Variants in GPI observed in about 807,000 individuals in gnomAD.
GPI encodes the protein glucose-6-phosphate isomerase.
A neutral mutation model predicts 75.8 loss-of-function variants in GPI; 56 were observed. The ratio of observed to expected loss-of-function variants is 0.74; its 90% CI spans 0.60 to 0.92. The LOEUF is 0.92. Among genes scored for constraint, GPI ranks in the 40% least tolerant of loss-of-function variants. GPI has a pLI of 0.00. For synonymous variants in GPI, 288 were observed against 285.4 expected, an observed-to-expected ratio of 1.01 and a Z score of -0.09; for missense variants, 638 against 741.0, an observed-to-expected ratio of 0.86 and a Z score of 1.61.
chr19:34,361,076 C>A (rs113304464), upstream of GPI, among the ~76,000 whole-genome samples: 832 of 151,822 alleles, frequency 5.5e-3, 8 homozygotes, highest in Middle Eastern at 0.01. Flanking sequence ...CTGCACCCGG[C>A]CTTGTTTCAC....
rs2075009228 is a variant in GPI at position 34,400,668 on chromosome 19, G to T, written c.*632G>T. On this transcript the variant is annotated 3_prime_UTR_variant, in exon 18 of 18. Coordinates refer to ENST00000356487, the MANE Select transcript of GPI (RefSeq NM_000175.5). ...TGAATTCCTGGACAAGACCGAGGAT[G>T]ACTGCCATCTCCTGGCAAGACGCTC... The T allele has an allele frequency of 2.5e-6, 1 of 404,338 alleles. No individual in the cohort carries two copies. The highest frequency in any genetic ancestry group is 2.1e-5 in the African/African-American group (1 of 48,628). The allele number at this position is 404,338 out of a possible 1,614,324, so 25.0% of individuals were successfully genotyped here. A position where few individuals can be genotyped will look rare whatever the true frequency, so the allele number is the denominator to read the frequency against.
At chr19:34,366,719 T>C (rs2074370935) in intron 2 of GPI, 64 bp from the exon 3 acceptor site, 2 of 1,122,370 alleles carry the variant, frequency 1.8e-6, no homozygotes, top group Non-Finnish European at 2.7e-6. Flanking sequence ...GCCTTGTGTT[T>C]GGGGGCTGAC....
Position 34,377,825 on chromosome 19 carries a change from G to A in GPI, c.577G>A (p.Ala193Thr). The A allele has an allele frequency of 1.2e-6, 2 of 1,614,124 alleles. No individual in the cohort carries two copies. Among genetic ancestry groups the A allele is most frequent in the Non-Finnish European group, 1.7e-6 (2 of 1,180,016 alleles). The change falls in exon 6 of 18, where the codon GCC (alanine) becomes ACC (threonine). Residue 193 changes from alanine to threonine, a missense_variant. Transcript: ENST00000356487. ...CTCCAACATTGATGGAACTCACATT[G>A]CCAAAACCCTGGCCCAGCTGAACCC... ...YVSNIDGTHI[A>T]KTLAQLNPES...
At chr19:34,365,472 C>T (rs563993743) in intron 1 of GPI, 84 bp downstream of exon 1, 3 of 1,503,726 alleles carry the variant, frequency 2.0e-6, no homozygotes, top group African/African-American at 1.4e-5. Flanking sequence ...GCGGGGGCAG[C>T]GGTGCCCGGG....
intron 9 of GPI, among the ~76,000 whole-genome samples, chr19:34,389,361 C>G (rs2074787875): frequency 6.6e-6 from 1 of 152,180 alleles, no homozygotes; most frequent in Non-Finnish European, 1.5e-5. Context: ...CTTGTCTTAG[C>G]CGCAGACTGT....
chr19:34,385,994 G>T (rs1414028497), intron 9 of GPI, among the ~76,000 whole-genome samples: 1 of 151,664 alleles, frequency 6.6e-6, no homozygotes, highest in Non-Finnish European at 1.5e-5. Flanking sequence ...GGCCCACTGG[G>T]TGTGGTTTGA....
intron 4 of GPI, among the ~76,000 whole-genome samples, chr19:34,376,962 A>G (rs2074546932): frequency 6.6e-6 from 1 of 151,868 alleles, no homozygotes; most frequent in African/African-American, 2.4e-5. Flanking sequence ...CTGAGGCATG[A>G]GAATTGTTAG....
At chr19:34,372,116 A>G (rs1044487073) in intron 4 of GPI, among the ~76,000 whole-genome samples, 3 of 151,704 alleles carry the variant, frequency 2.0e-5, no homozygotes, top group Admixed American at 2.0e-4. Context: ...TTTTTAGTAG[A>G]GATGAGGTTT....
chr19:34,400,273 G>T lies in GPI; in HGVS notation c.*237G>T. On this transcript the variant is annotated 3_prime_UTR_variant, in exon 18 of 18. Transcript: ENST00000356487. ...GTGTTTTTGTGCAGCTGACTTTTCT[G>T]ACCCATGTTCACGTTGTTCACATCC... 1.6e-6 allele frequency: 1 copy of T among 610,886 alleles called. No individual in the cohort carries two copies. 37.8% of individuals were successfully genotyped at this position (610,886 alleles called of 1,614,324 possible).
intron 15 of GPI, 100 bp from the exon 16 acceptor site, chr19:34,399,446 GCCTGTCCTCA>G: frequency 6.4e-7 from 1 of 1,565,618 alleles, no homozygotes; most frequent in Admixed American, 1.7e-5. Context: ...GAATGGGAGG[GCCTGTCCTCA>G]CAGACCTGCA....
chr19:34,394,174 T>C (rs2145423047), intron 12 of GPI, 108 bp downstream of exon 12: 1 of 800,980 alleles, frequency 1.2e-6, no homozygotes, highest in East Asian at 2.6e-5. Context: ...CCCATTGCCC[T>C]TGGGCCTGGC....
At chr19:34,385,360 CAAAAAAAA>C (rs58133757) in intron 9 of GPI, among the ~76,000 whole-genome samples, 2 of 95,118 alleles carry the variant, frequency 2.1e-5, no homozygotes, top group East Asian at 2.8e-4. Flanking sequence ...AAACAAAAAA[CAAAAAAAA>C]AAAAAAAAGA....
At chr19:34,388,127 G>A (rs1303877234) in intron 9 of GPI, among the ~76,000 whole-genome samples, 1 of 152,206 alleles carries the variant, frequency 6.6e-6, no homozygotes, top group East Asian at 1.9e-4. Context: ...AGTCCATGGT[G>A]TTGGTCTGCA....
Position 34,378,921 on chromosome 19 carries a change from T to A in GPI, c.634-13T>A, listed in dbSNP as rs754998805. The A allele has an allele frequency of 5.0e-6, 8 of 1,613,138 alleles. No homozygotes were observed. Among genetic ancestry groups the A allele is most frequent in the Middle Eastern group, 1.6e-4 (1 of 6,062 alleles). Reference sequence around the variant, plus strand: ...TAAGCTCGGGCGCCCACTGCTGTTCTCTTTGGTTGCAGACCTTTACTACCC... The same window carrying A: ...TAAGCTCGGGCGCCCACTGCTGTTCACTTTGGTTGCAGACCTTTACTACCC... On this transcript the variant is annotated splice_polypyrimidine_tract_variant and intron_variant, in intron 6 of 17. Transcript: ENST00000356487.
rs1045092093 is a variant in GPI, at chr19:34,376,940, C to T, written c.403-563C>T. On this transcript the variant is annotated intron_variant, in intron 4 of 17. Coordinates refer to ENST00000356487, the MANE Select transcript of GPI (RefSeq NM_000175.5). Reference sequence around the variant, plus strand: ...TGGTGGCGCAGGCTTGTAGTCCCAGCTACTCAGGAGACTGAGGCATGAGAA... The same window carrying T: ...TGGTGGCGCAGGCTTGTAGTCCCAGTTACTCAGGAGACTGAGGCATGAGAA... Among the ~76,000 whole-genome samples the T allele has an allele frequency of 2.6e-5, 4 of 151,850 alleles. No homozygotes were observed. In the South Asian group the frequency reaches 8.3e-4, roughly 32 times the overall value.
chr19:34,365,459 G>A (rs1034649907), intron 1 of GPI, 71 bp downstream of exon 1: 3 of 1,511,882 alleles, frequency 2.0e-6, no homozygotes, highest in Non-Finnish European at 1.8e-6. Flanking sequence ...CTGGGGTCTG[G>A]AGGCGGGGGC....
chr19:34,379,386 T>G lies in GPI; in HGVS notation c.706-132T>G, dbSNP rs936447490. The G allele has an allele frequency of 5.8e-6, 5 of 864,644 alleles. No individual in the cohort carries two copies. The African/African-American group carries it at 8.2e-5, about 14-fold the overall frequency. The allele number at this position is 864,644 out of a possible 1,614,324, so 53.6% of individuals were successfully genotyped here. A position where few individuals can be genotyped will look rare whatever the true frequency, so the allele number is the denominator to read the frequency against. ...CTTGACCTTGACCTCGATGTGGGCCTTCTCCAACAGTCTCAGAACCAAGGA... is the reference window on the plus strand; with the variant it reads ...CTTGACCTTGACCTCGATGTGGGCCGTCTCCAACAGTCTCAGAACCAAGGA... On this transcript the variant is annotated intron_variant, in intron 7 of 17. Transcript: ENST00000356487.
upstream of GPI, chr19:34,365,079 C>T (rs559904231): frequency 1.3e-3 from 1,850 of 1,469,010 alleles, 3 homozygotes; most frequent in Non-Finnish European, 1.6e-3. Flanking sequence ...GCTCAGCGGG[C>T]ACCCGGCCTG....
Position 34,399,198 on chromosome 19 carries a change from G to C in GPI, c.1270-9G>C. The C allele has an allele frequency of 6.2e-7, 1 of 1,611,088 alleles. No homozygotes were observed. The highest frequency in any genetic ancestry group is 8.5e-7 in the Non-Finnish European group (1 of 1,178,958). On this transcript the variant is annotated splice_polypyrimidine_tract_variant and intron_variant, in intron 14 of 17. Coordinates refer to ENST00000356487, the MANE Select transcript of GPI (RefSeq NM_000175.5). Reference sequence around the variant, plus strand: ...TGCTCTCAAGCATAACTGATGTCTCGCTCATCAGATCCTCCTGGCCAACTT... The same window carrying C: ...TGCTCTCAAGCATAACTGATGTCTCCCTCATCAGATCCTCCTGGCCAACTT...
Sources: gnomAD v4.1 joint callset for allele counts (sites outside exome capture counted in the v4.1 genomes callset) on GRCh38, gnomAD v4.1.1 for gene constraint, MANE v1.5 for transcripts, NCBI Gene and HGNC (gene_info 2026-07-23, HGNC 2026-07-21) for gene names.